The following NRG1 variants were observed in gnomAD, a reference collection of about 807,000 sequenced individuals.
The protein encoded by NRG1 is neuregulin 1.
NRG1 carries 18 observed loss-of-function variants against 63.8 expected under a neutral mutation model. The observed-to-expected ratio is 0.28, with a 90% CI of 0.19 to 0.42. The LOEUF (loss-of-function observed/expected upper bound fraction) is 0.42, where lower values mean the gene tolerates loss of function less well. Among genes scored for constraint, NRG1 ranks in the 10% least tolerant of loss-of-function variants. The pLI is 1.00. For synonymous variants in NRG1, 302 were observed against 301.3 expected (o/e 1.00, Z -0.02); for missense variants, 762 against 814.7 (o/e 0.94, Z 0.79).
chr8:32,615,382 T>A (rs1180167163), intron 4 of NRG1, among the ~76,000 whole-genome samples: 1 of 152,098 alleles, frequency 6.6e-6, no homozygotes, highest in African/African-American at 2.4e-5. Flanking sequence ...TTTTGCATGG[T>A]GCCTTTTCTT....
At chr8:32,587,128 G>A (rs1197783731) in intron 1 of NRG1, among the ~76,000 whole-genome samples, 1 of 152,024 alleles carries the variant, frequency 6.6e-6, no homozygotes, top group Non-Finnish European at 1.5e-5. Context: ...AGGATCACTT[G>A]AGCTTAAGAT....
At chr8:32,658,487 T>A (rs1802052065) in intron 5 of NRG1, among the ~76,000 whole-genome samples, 1 of 152,222 alleles carries the variant, frequency 6.6e-6, no homozygotes, top group East Asian at 1.9e-4. Context: ...TATTAGGGAT[T>A]CTAGCTCTTT....
At chr8:32,383,634 T>C (rs1235108839) in intron 1 of NRG1, among the ~76,000 whole-genome samples, 4 of 152,236 alleles carry the variant, frequency 2.6e-5, no homozygotes, top group Non-Finnish European at 5.9e-5. Context: ...CAGAGTCACA[T>C]AGATGTGACT....
intron 1 of NRG1, among the ~76,000 whole-genome samples, chr8:32,065,336 A>G (rs1824588464): frequency 6.6e-6 from 1 of 152,040 alleles, no homozygotes; most frequent in African/African-American, 2.4e-5. Context: ...TATATCTCCT[A>G]ATGCTATCCC....
chr8:32,522,458 C>A (rs1221614831), intron 1 of NRG1, among the ~76,000 whole-genome samples: 2 of 152,122 alleles, frequency 1.3e-5, no homozygotes, highest in Non-Finnish European at 2.9e-5. Flanking sequence ...ACTGAAGGTG[C>A]CTCACCTTTC....
intron 1 of NRG1, among the ~76,000 whole-genome samples, chr8:31,987,696 T>C (rs941069592): frequency 1.3e-5 from 2 of 151,808 alleles, no homozygotes; most frequent in Non-Finnish European, 2.9e-5. Context: ...CCCAGCAACA[T>C]GCAATTTACC....
intron 1 of NRG1, among the ~76,000 whole-genome samples, chr8:32,477,792 A>G (rs1462441010): frequency 3.9e-5 from 6 of 152,208 alleles, no homozygotes; most frequent in South Asian, 4.1e-4. Context: ...AAAAATAGTA[A>G]TATCTGTTCT....
At chr8:31,969,781 C>A (rs955570660) in intron 1 of NRG1, among the ~76,000 whole-genome samples, 4 of 152,144 alleles carry the variant, frequency 2.6e-5, no homozygotes, top group South Asian at 2.1e-4. Context: ...AATTAAAAAA[C>A]CCCTCCTTTA....
chr8:32,490,234 G>C (rs1175365146), intron 1 of NRG1, among the ~76,000 whole-genome samples: 2 of 151,790 alleles, frequency 1.3e-5, no homozygotes, highest in Non-Finnish European at 2.9e-5. Context: ...GAACCCAGGA[G>C]TTCAAGGCTG....
chr8:32,463,696 C>T (rs1311006449), intron 1 of NRG1, among the ~76,000 whole-genome samples: 1 of 151,456 alleles, frequency 6.6e-6, no homozygotes, highest in Non-Finnish European at 1.5e-5. Context: ...AAAATATTAG[C>T]CTAGTTTGGT....
chr8:32,653,180 G>C (rs534924395), intron 5 of NRG1, among the ~76,000 whole-genome samples: 2 of 151,456 alleles, frequency 1.3e-5, no homozygotes, highest in Non-Finnish European at 2.9e-5. Flanking sequence ...TGTACGCTAA[G>C]TGCCTACTCT....
exon 12 of NRG1, chr8:32,766,692 C>T (rs1390394547): frequency 1.3e-5 from 2 of 152,100 alleles, no homozygotes; most frequent in Non-Finnish European, 2.9e-5. Flanking sequence ...TTTAAAATTG[C>T]AAATATATAT....
chr8:32,262,540 T>C (rs1227641219), intron 1 of NRG1, among the ~76,000 whole-genome samples: 1 of 152,184 alleles, frequency 6.6e-6, no homozygotes, highest in African/African-American at 2.4e-5. Flanking sequence ...ATATTTCCCT[T>C]GTGAAAATGT....
chr8:32,318,511 T>A (rs1801019963), intron 1 of NRG1, among the ~76,000 whole-genome samples: 2 of 152,144 alleles, frequency 1.3e-5, no homozygotes, highest in African/African-American at 4.8e-5. Flanking sequence ...AACAGGCTGG[T>A]CCAAACATCC....
intron 1 of NRG1, among the ~76,000 whole-genome samples, chr8:31,920,773 G>A (rs1157860622): frequency 2.0e-5 from 3 of 152,026 alleles, no homozygotes; most frequent in East Asian, 1.9e-4. Flanking sequence ...AGATAATGCA[G>A]GTAAAAGTGG....
intron 5 of NRG1, among the ~76,000 whole-genome samples, chr8:32,679,866 G>A (rs1221221930): frequency 6.6e-6 from 1 of 152,156 alleles, no homozygotes; most frequent in African/African-American, 2.4e-5. Context: ...TTACAAATAT[G>A]TTTATCCCTG....
At chr8:32,447,519 C>T (rs1464693722) in intron 1 of NRG1, among the ~76,000 whole-genome samples, 4 of 152,110 alleles carry the variant, frequency 2.6e-5, no homozygotes, top group Non-Finnish European at 4.4e-5. Flanking sequence ...TAGCAAGAGA[C>T]ATGTTTTATT....
chr8:32,184,682 T>A (rs978643747), intron 1 of NRG1, among the ~76,000 whole-genome samples: 3 of 152,156 alleles, frequency 2.0e-5, no homozygotes, highest in Non-Finnish European at 2.9e-5. Context: ...GAAATATACT[T>A]GTTTTATGCT....
intron 1 of NRG1, among the ~76,000 whole-genome samples, chr8:31,822,287 AGTTTC>A (rs796852618): frequency 1.5e-4 from 23 of 152,298 alleles, no homozygotes; most frequent in African/African-American, 4.6e-4. Flanking sequence ...TAAATGTTGT[AGTTTC>A]ATTTGATTAT....
Sources: allele counts gnomAD v4.1 joint callset (sites outside exome capture counted in the v4.1 genomes callset), GRCh38; gene constraint gnomAD v4.1.1; transcripts MANE v1.5; gene names NCBI Gene and HGNC (gene_info 2026-07-23, HGNC 2026-07-21).